Variants in PPARA observed in about 807,000 individuals in gnomAD.
The protein encoded by PPARA is peroxisome proliferator activated receptor alpha, also known as peroxisome proliferator-activated receptor alpha.
In PPARA, 22 loss-of-function variants were observed where a neutral mutation model predicts 42.2. That is an observed-to-expected ratio of 0.52 (90% CI 0.37 to 0.74). The LOEUF (loss-of-function observed/expected upper bound fraction) is 0.74, where lower values mean the gene tolerates loss of function less well. Ranked by LOEUF, PPARA falls within the 30% of genes least tolerant of loss-of-function variation. PPARA has a pLI of 0.00. For missense variants in PPARA, 465 were observed against 608.2 expected (o/e 0.76, Z 2.48); for synonymous variants, 242 against 239.3 (o/e 1.01, Z -0.10).
At position 46,221,060 on chromosome 22, in the gene PPARA, A is replaced by G. The variant is rs567819220; in HGVS notation, c.711+1046A>G. On this transcript the variant is annotated intron_variant, in intron 7 of 8. Coordinates refer to ENST00000407236, the MANE Select transcript of PPARA (RefSeq NM_005036.6). The surrounding 1 kb of genome is among the most constrained non-coding windows in gnomAD (Gnocchi z 5.9). ...AAGAGGTTTAATTGGCTCGTGGCCC[A>G]CAAGGCTGTACAGGAAGCTTCTGCT... 1.5e-5 allele frequency among the ~76,000 whole-genome samples: 2 copies of G among 136,684 alleles called. No individual in the cohort carries two copies. The highest frequency in any genetic ancestry group is 3.1e-5 in the Non-Finnish European group (2 of 64,854). The allele number at this position is 136,684 out of a possible 152,430, so 89.7% of individuals were successfully genotyped here.
In PPARA at chr22:46,192,978, G is replaced by A. The variant is rs1931760206; in HGVS notation, c.-42-5364G>A. On this transcript the variant is annotated intron_variant, in intron 3 of 8. Transcript: ENST00000407236. The surrounding 1 kb of genome is among the most constrained non-coding windows in gnomAD (Gnocchi z 4.3). ...AGGATGGTTACCAGAGGCTGGGAAG[G>A]GTGGTGAGGGGTTGGGGGCAGTGAA... 6.6e-6 allele frequency among the ~76,000 whole-genome samples: 1 copy of A among 152,152 alleles called. No individual in the cohort carries two copies. The highest frequency in any genetic ancestry group is 1.5e-5 in the Non-Finnish European group (1 of 68,026).
Position 46,221,442 on chromosome 22 carries a change from C to T in PPARA, c.711+1428C>T, listed in dbSNP as rs991833318. Among the ~76,000 whole-genome samples, 17 of 152,234 alleles carry T rather than the reference C, an allele frequency of 1.1e-4. No individual in the cohort carries two copies. Among genetic ancestry groups the T allele is most frequent in the Admixed American group, 9.2e-4 (14 of 15,288 alleles). The stretch of plus-strand genomic sequence containing the variant: ...CTAAAACTACTCCCTCCCTCTCAGA[C>T]AAACATGCCTACATTCTTTTTCCGC... On this transcript the variant is annotated intron_variant, in intron 7 of 8. Coordinates refer to ENST00000407236, the MANE Select transcript of PPARA (RefSeq NM_005036.6). This position sits in a 1 kb window ranked among gnomAD's most constrained non-coding sequence, Gnocchi z 5.9.
chr22:46,226,943 C>T (rs902969999), intron 7 of PPARA, among the ~76,000 whole-genome samples: 1 of 151,976 alleles, frequency 6.6e-6, no homozygotes, highest in Admixed American at 6.6e-5. Flanking sequence ...GTTTTTAAGA[C>T]CAGTTTTGAA....
In PPARA at chr22:46,230,143, G is replaced by A. The variant is rs865922163; in HGVS notation, c.712-1649G>A. Among the ~76,000 whole-genome samples the A allele has an allele frequency of 3.9e-4, 60 of 152,312 alleles. No individual in the cohort carries two copies. The highest frequency in any genetic ancestry group is 1.4e-3 in the African/African-American group (58 of 41,582). Reference sequence around the variant, plus strand: ...TCCCAGCACTTTGGGAGGCTGAGGTGGGCAGATTACCTGAGGTCAGGAGTG... The same window carrying A: ...TCCCAGCACTTTGGGAGGCTGAGGTAGGCAGATTACCTGAGGTCAGGAGTG... On this transcript the variant is annotated intron_variant, in intron 7 of 8. Coordinates refer to ENST00000407236, the MANE Select transcript of PPARA (RefSeq NM_005036.6). The surrounding 1 kb of genome is among the most constrained non-coding windows in gnomAD (Gnocchi z 5.0).
At chr22:46,215,690 C>A (rs1398588137) in intron 5 of PPARA, among the ~76,000 whole-genome samples, 2 of 151,232 alleles carry the variant, frequency 1.3e-5, no homozygotes, top group African/African-American at 2.4e-5. Context: ...TGCAGTGAGC[C>A]AAGATTGCGC....
intron 2 of PPARA, among the ~76,000 whole-genome samples, chr22:46,168,339 G>A (rs1460568049): frequency 2.4e-5 from 2 of 84,622 alleles, no homozygotes; most frequent in East Asian, 4.1e-4. Flanking sequence ...ACAACAGAGC[G>A]AGACTCCATC....
At chr22:46,214,656 CCACGGGTCCGGAGACG>C (rs993739323) in intron 4 of PPARA, among the ~76,000 whole-genome samples, 2 of 126,240 alleles carry the variant, frequency 1.6e-5, no homozygotes, top group African/African-American at 6.3e-5. Flanking sequence ...GTCCGGGGAT[CCACGGGTCCGGAGACG>C]CGCGGGTCCG....
rs1320536343 is a variant in PPARA at position 46,203,935 on chromosome 22, CATCT to C, written c.208+5348_208+5351del. On this transcript the variant is annotated intron_variant, in intron 4 of 8. Coordinates refer to ENST00000407236, the MANE Select transcript of PPARA (RefSeq NM_005036.6). This position sits in a 1 kb window ranked among gnomAD's most constrained non-coding sequence, Gnocchi z 5.8. ...GGACGCCCCCCTTCTCTGCCTCCTG[CATCT>C]ATCAGTAGTGCCTCTGTCTGTCACC... Among the ~76,000 whole-genome samples the C allele has an allele frequency of 6.6e-6, 1 of 152,236 alleles. No individual in the cohort carries two copies. Among genetic ancestry groups the C allele is most frequent in the East Asian group, 1.9e-4 (1 of 5,204 alleles).
In PPARA at chr22:46,187,272, G is replaced by T. The variant is rs1029135676; in HGVS notation, c.-43+10436G>T. On this transcript the variant is annotated intron_variant, in intron 3 of 8. Coordinates refer to ENST00000407236, the MANE Select transcript of PPARA (RefSeq NM_005036.6). The surrounding 1 kb of genome is among the most constrained non-coding windows in gnomAD (Gnocchi z 4.9). ...ATTTTAAAACTGAACTCATGGCCAG[G>T]TGCATTGGCTCATGCCTGTAATCCC... is the stretch of plus-strand genomic sequence containing the variant. Among the ~76,000 whole-genome samples, 1 of 152,326 alleles carries T rather than the reference G, an allele frequency of 6.6e-6. No homozygotes were observed. Among genetic ancestry groups the T allele is most frequent in the Non-Finnish European group, 1.5e-5 (1 of 68,036 alleles).
chr22:46,154,752 A>G (rs1010711422), intron 2 of PPARA, among the ~76,000 whole-genome samples: 2 of 151,352 alleles, frequency 1.3e-5, no homozygotes, highest in Non-Finnish European at 2.9e-5. Context: ...GGCCTATTGC[A>G]GCCTCGACCT....
chr22:46,164,540 A>G (rs1926747199), intron 2 of PPARA: 1 of 152,328 alleles, frequency 6.6e-6, no homozygotes, highest in African/African-American at 2.4e-5. Flanking sequence ...GGCATGAGCC[A>G]CTGCACCCGG....
In PPARA at chr22:46,180,674, T is replaced by C. The variant is rs1929825808; in HGVS notation, c.-43+3838T>C. ...TTCCTGCCTCAAGATGCGTAAAAGG[T>C]ACTTGCCTTCTTTGTTTGGTGCTCT... On this transcript the variant is annotated intron_variant, in intron 3 of 8. Coordinates refer to ENST00000407236, the MANE Select transcript of PPARA (RefSeq NM_005036.6). The surrounding 1 kb of genome is among the most constrained non-coding windows in gnomAD (Gnocchi z 4.2). 6.6e-6 allele frequency among the ~76,000 whole-genome samples: 1 copy of C among 152,182 alleles called. No individual in the cohort carries two copies. Among genetic ancestry groups the C allele is most frequent in the African/African-American group, 2.4e-5 (1 of 41,434 alleles).
At chr22:46,202,737 C>T (rs1932904971) in intron 4 of PPARA, among the ~76,000 whole-genome samples, 2 of 145,298 alleles carry the variant, frequency 1.4e-5, no homozygotes, top group East Asian at 2.3e-4. Flanking sequence ...GCGATCTTGG[C>T]CTGTAATCCC....
chr22:46,210,970 C>T (rs899753568), intron 4 of PPARA, among the ~76,000 whole-genome samples: 3 of 152,142 alleles, frequency 2.0e-5, no homozygotes, highest in South Asian at 2.1e-4. Context: ...TGAGCTTCAC[C>T]TGATGCCCCA....
At position 46,212,164 on chromosome 22, in the gene PPARA, C is replaced by T. The variant is rs1328005849; in HGVS notation, c.209-3009C>T. ...TCAGCCTCCCAGGGCTCAGGTGATC[C>T]TCCCACCTCAGCCTCCCAAGTAGCT... On this transcript the variant is annotated intron_variant, in intron 4 of 8. Transcript: ENST00000407236. The surrounding 1 kb of genome is among the most constrained non-coding windows in gnomAD (Gnocchi z 4.2). Among the ~76,000 whole-genome samples the T allele has an allele frequency of 6.6e-6, 1 of 152,122 alleles. No homozygotes were observed. Among genetic ancestry groups the T allele is most frequent in the African/African-American group, 2.4e-5 (1 of 41,420 alleles).
chr22:46,186,845 C>T (rs1305680504), intron 3 of PPARA, among the ~76,000 whole-genome samples: 1 of 152,046 alleles, frequency 6.6e-6, no homozygotes, highest in Admixed American at 6.6e-5. Context: ...TAGTATCAAG[C>T]CCTATATATG....
intron 3 of PPARA, among the ~76,000 whole-genome samples, chr22:46,177,088 G>A (rs1305169267): frequency 2.0e-5 from 3 of 152,242 alleles, no homozygotes; most frequent in East Asian, 1.9e-4. Context: ...GCAGGCGCCT[G>A]TAGTCCCAGC....
chr22:46,213,587 T>C (rs1168655397), intron 4 of PPARA, among the ~76,000 whole-genome samples: 2 of 150,202 alleles, frequency 1.3e-5, no homozygotes, highest in African/African-American at 2.5e-5. Flanking sequence ...TTTTCTTTTT[T>C]TTTTCTTTTC....
In PPARA at chr22:46,162,080, C is replaced by G. The variant is rs940546922; in HGVS notation, c.-127+10110C>G. On this transcript the variant is annotated intron_variant, in intron 2 of 8. Coordinates refer to ENST00000407236, the MANE Select transcript of PPARA (RefSeq NM_005036.6). This position sits in a 1 kb window ranked among gnomAD's most constrained non-coding sequence, Gnocchi z 6.0. Reference sequence around the variant, plus strand: ...AGGGCTGGGTGGGGGACATCAAAGGCAGGACAAGGTGTAGGGTCCTCACCC... The same window carrying G: ...AGGGCTGGGTGGGGGACATCAAAGGGAGGACAAGGTGTAGGGTCCTCACCC... 6.6e-6 allele frequency among the ~76,000 whole-genome samples: 1 copy of G among 152,170 alleles called. No homozygotes were observed. Among genetic ancestry groups the G allele is most frequent in the African/African-American group, 2.4e-5 (1 of 41,440 alleles).
Sources: gnomAD v4.1 joint callset for allele counts (sites outside exome capture counted in the v4.1 genomes callset) on GRCh38, gnomAD v4.1.1 for gene constraint, Gnocchi (gnomAD v3.1) non-coding constraint, MANE v1.5 for transcripts, NCBI Gene and HGNC (gene_info 2026-07-23, HGNC 2026-07-21) for gene names.